Variants in CALN1 observed in about 807,000 individuals in gnomAD.
CALN1 encodes calcium-binding protein 8.
CALN1 carries 17 observed loss-of-function variants against 30.6 expected under a neutral mutation model. The ratio of observed to expected loss-of-function variants is 0.56; its 90% confidence interval spans 0.38 to 0.83. The LOEUF is 0.83. Ranked by LOEUF, CALN1 falls within the 40% of genes least tolerant of loss-of-function variation. The probability of loss-of-function intolerance (pLI) is 0.00; values close to 1 mark genes in which losing one functional copy is unlikely to be tolerated. For synonymous variants in CALN1, 156 were observed against 131.4 expected, an observed-to-expected ratio of 1.19 and a Z score of -1.28; for missense variants, 291 against 354.9, an observed-to-expected ratio of 0.82 and a Z score of 1.45.
intron 2 of CALN1, among the ~76,000 whole-genome samples, chr7:72,321,089 T>C (rs1800845554): frequency 1.3e-5 from 2 of 152,342 alleles, no homozygotes; most frequent in South Asian, 2.1e-4. Context: ...TGCCTCAATC[T>C]TTATGCTCAC....
At chr7:72,177,237 A>T (rs1186943199) in intron 3 of CALN1, among the ~76,000 whole-genome samples, 2 of 152,072 alleles carry the variant, frequency 1.3e-5, no homozygotes, top group African/African-American at 4.8e-5. Flanking sequence ...GCCCCTTCTT[A>T]TTGTTATTTC....
intron 2 of CALN1, among the ~76,000 whole-genome samples, chr7:72,288,540 G>T (rs922816596): frequency 6.6e-6 from 1 of 152,156 alleles, no homozygotes; most frequent in African/African-American, 2.4e-5. Flanking sequence ...ATTTTTAGAT[G>T]TATTTTAAAA....
intron 5 of CALN1, among the ~76,000 whole-genome samples, chr7:71,877,958 C>T (rs1792344899): frequency 6.6e-6 from 1 of 152,136 alleles, no homozygotes; most frequent in South Asian, 2.1e-4. Context: ...TGCTGGAGGA[C>T]TTGTTAAAAC....
At chr7:72,059,005 C>T (rs193274516) in intron 4 of CALN1, among the ~76,000 whole-genome samples, 38 of 152,296 alleles carry the variant, frequency 2.5e-4, no homozygotes, top group African/African-American at 8.2e-4. Flanking sequence ...AAATGTTATG[C>T]TTCCTGGATT....
chr7:72,307,562 C>A, intron 2 of CALN1, among the ~76,000 whole-genome samples: 1 of 152,200 alleles, frequency 6.6e-6, no homozygotes, highest in East Asian at 1.9e-4. Flanking sequence ...CCTCGCAAAG[C>A]TTGCAGAATA....
chr7:71,947,338 G>T (rs1796458101), intron 5 of CALN1, among the ~76,000 whole-genome samples: 1 of 151,992 alleles, frequency 6.6e-6, no homozygotes, highest in African/African-American at 2.4e-5. Flanking sequence ...CATTATCTCA[G>T]GCAATGCAAC....
chr7:72,295,185 G>A (rs970732619), intron 2 of CALN1, among the ~76,000 whole-genome samples: 1 of 151,858 alleles, frequency 6.6e-6, no homozygotes, highest in Non-Finnish European at 1.5e-5. Context: ...TAAAATAGAA[G>A]CCAAAATTGA....
chr7:72,329,962 AATAAAT>A (rs1801551414), intron 2 of CALN1, among the ~76,000 whole-genome samples: 4 of 151,262 alleles, frequency 2.6e-5, no homozygotes, highest in South Asian at 2.1e-4. Context: ...TCAAAAAATA[AATAAAT>A]ATAAATACAT....
intron 5 of CALN1, among the ~76,000 whole-genome samples, chr7:71,921,846 C>T (rs1228537552): frequency 6.6e-6 from 1 of 151,782 alleles, no homozygotes; most frequent in Admixed American, 6.6e-5. Flanking sequence ...CGCCATCCTA[C>T]CCCCTTCCCA....
chr7:72,071,510 AT>A (rs1804393624), intron 4 of CALN1, among the ~76,000 whole-genome samples: 2 of 151,636 alleles, frequency 1.3e-5, no homozygotes, highest in African/African-American at 4.8e-5. Context: ...AGAAAAAAAA[AT>A]CATGCATATC....
the CALN1 span, among the ~76,000 whole-genome samples, chr7:72,457,004 CTTT>C: frequency 7.4e-3 from 789 of 106,552 alleles, 4 homozygotes; most frequent in African/African-American, 0.027. Flanking sequence ...TTCTTTCTTT[CTTT>C]TTTTTTTTTT....
At chr7:72,364,099 T>C (rs1434056679) in intron 2 of CALN1, among the ~76,000 whole-genome samples, 2 of 151,384 alleles carry the variant, frequency 1.3e-5, no homozygotes, top group Non-Finnish European at 2.9e-5. Flanking sequence ...ATGGAGAAAA[T>C]TTGAAAACTC....
Position 71,852,167 on chromosome 7 carries a change from T to A in CALN1, c.502-41675A>T, listed in dbSNP as rs542409758. Among the ~76,000 whole-genome samples the A allele has an allele frequency of 1.6e-4, 25 of 151,582 alleles. No individual in the cohort carries two copies. The South Asian group carries it at 3.1e-3, about 19-fold the overall frequency. ...ATTGCACACGTTCACCACAATTTTG[T>A]TTATCTGTTCTCTGGTTGATTGACA... On this transcript the variant is annotated intron_variant, in intron 5 of 6. Transcript: ENST00000395275.
intron 4 of CALN1, among the ~76,000 whole-genome samples, chr7:72,066,100 T>C (rs1439740826): frequency 1.3e-5 from 2 of 152,196 alleles, no homozygotes; most frequent in Non-Finnish European, 2.9e-5. Context: ...ACACTTTTCT[T>C]CTCTTGTTTT....
At chr7:71,836,622 C>T (rs1379063428) in intron 5 of CALN1, among the ~76,000 whole-genome samples, 20 of 132,628 alleles carry the variant, frequency 1.5e-4, no homozygotes, top group African/African-American at 3.9e-4. Context: ...CTCTCTGTCT[C>T]TTTTTTTTTT....
At chr7:72,106,124 G>A in intron 4 of CALN1, 27 bp downstream of exon 4, 1 of 1,610,816 alleles carries the variant, frequency 6.2e-7, no homozygotes, top group Non-Finnish European at 8.5e-7. Context: ...CATGTCTCAG[G>A]GGAGAAGCTG....
At chr7:72,016,814 T>C (rs527416272) in intron 5 of CALN1, among the ~76,000 whole-genome samples, 1 of 151,214 alleles carries the variant, frequency 6.6e-6, no homozygotes, top group South Asian at 2.1e-4. Flanking sequence ...GGGCCTGGGC[T>C]GGGAAGAACT....
intron 2 of CALN1, among the ~76,000 whole-genome samples, chr7:72,346,943 G>C (rs1354914366): frequency 1.3e-5 from 2 of 152,184 alleles, no homozygotes; most frequent in Admixed American, 1.3e-4. Flanking sequence ...GAACTTTAAA[G>C]AGGTCAGTAA....
intron 5 of CALN1, among the ~76,000 whole-genome samples, chr7:71,948,587 A>G (rs555852707): frequency 2.0e-5 from 3 of 152,072 alleles, no homozygotes; most frequent in African/African-American, 7.2e-5. Flanking sequence ...AAAATTAGCC[A>G]GGCATGGTGG....
Sources: gnomAD v4.1 joint callset for allele counts (sites outside exome capture counted in the v4.1 genomes callset) on GRCh38, gnomAD v4.1.1 for gene constraint, MANE v1.5 for transcripts, NCBI Gene and HGNC (gene_info 2026-07-23, HGNC 2026-07-21) for gene names.